The following TUBA1C variants were observed in gnomAD, a reference collection of about 807,000 sequenced individuals.
The protein encoded by TUBA1C is tubulin alpha-1C chain.
A neutral mutation model predicts 34.9 loss-of-function variants in TUBA1C; 16 were observed. The observed-to-expected ratio is 0.46, with a 90% confidence interval of 0.31 to 0.70. The LOEUF is 0.70. Among genes scored for constraint, TUBA1C ranks in the 30% least tolerant of loss-of-function variants. TUBA1C has a pLI of 0.05. For missense variants in TUBA1C, 329 were observed against 587.3 expected (o/e 0.56, Z 4.55); for synonymous variants, 177 against 215.9 (o/e 0.82, Z 1.58).
intron 1 of TUBA1C, among the ~76,000 whole-genome samples, chr12:49,235,732 C>CAAAAAAA (rs567880656): frequency 1.5e-5 from 1 of 67,258 alleles, no homozygotes; most frequent in African/African-American, 5.0e-5. Flanking sequence ...GACTCGGTCT[C>CAAAAAAA]AAAAAAAAAA....
intron 1 of TUBA1C, among the ~76,000 whole-genome samples, chr12:49,229,674 GGT>G (rs3884374): frequency 0.039 from 5,868 of 149,940 alleles, 342 homozygotes; most frequent in African/African-American, 0.13. Flanking sequence ...TTTGCATAGA[GGT>G]GTGTGTGTGT....
chr12:49,247,275 C>T (rs1041663515), intron 1 of TUBA1C, among the ~76,000 whole-genome samples: 2 of 151,654 alleles, frequency 1.3e-5, no homozygotes, highest in Non-Finnish European at 2.9e-5. Flanking sequence ...AAGACAAACC[C>T]GCCGGACTTG....
chr12:49,233,888 G>T (rs2136986523), intron 1 of TUBA1C: 1 of 152,396 alleles, frequency 6.6e-6, no homozygotes, highest in East Asian at 1.9e-4. Flanking sequence ...TAAAAAGAGG[G>T]AAGCTGAGCT....
chr12:49,268,351 G>A (rs566746654), intron 1 of TUBA1C, among the ~76,000 whole-genome samples: 2 of 152,016 alleles, frequency 1.3e-5, no homozygotes, highest in African/African-American at 4.8e-5. Context: ...CACCCACCTC[G>A]GTCTCCCAAA....
chr12:49,270,064 A>C, intron 3 of TUBA1C, 88 bp downstream of exon 3: 1 of 1,610,614 alleles, frequency 6.2e-7, no homozygotes, highest in Non-Finnish European at 8.5e-7. Context: ...TGCAACTAAA[A>C]TGAGACTATT....
chr12:49,268,223 C>T (rs556355647), intron 1 of TUBA1C, among the ~76,000 whole-genome samples: 21 of 152,224 alleles, frequency 1.4e-4, no homozygotes, highest in South Asian at 6.2e-4. Flanking sequence ...CTCAGTCTTC[C>T]GAGTAGCTGG....
Position 49,237,411 on chromosome 12 carries a change from C to T in TUBA1C, c.213+9245C>T, listed in dbSNP as rs143495271. 1.0e-3 allele frequency among the ~76,000 whole-genome samples: 150 copies of T among 148,422 alleles called. 1 individual carries two copies. The East Asian group carries it at 0.028, about 28-fold the overall frequency. On this transcript the variant is annotated intron_variant, in intron 1 of 3. Transcript: ENST00000541364. The stretch of plus-strand genomic sequence containing the variant: ...CCAGCCTGGGCAATGAGTGAAACTC[C>T]GTCTCAAAAAAAAAAGGAAAAAAGA...
intron 1 of TUBA1C, among the ~76,000 whole-genome samples, chr12:49,239,421 A>T (rs1942589436): frequency 6.6e-6 from 1 of 152,096 alleles, no homozygotes; most frequent in Admixed American, 6.6e-5. Context: ...CGGGCGGATC[A>T]CCTGAGGTCA....
intron 1 of TUBA1C, among the ~76,000 whole-genome samples, chr12:49,252,638 A>G (rs1312643606): frequency 1.3e-5 from 2 of 152,136 alleles, no homozygotes; most frequent in African/African-American, 2.4e-5. Context: ...TTGGCTGGGC[A>G]CGGTGGCTCA....
At chr12:49,228,127 A>C (rs1398194375) in exon 1 of TUBA1C, 10 of 1,535,632 alleles carry the variant, frequency 6.5e-6, no homozygotes, top group Non-Finnish European at 7.8e-6. Context: ...ACACATGCAC[A>C]TCCAGCAAAA....
intron 1 of TUBA1C, among the ~76,000 whole-genome samples, chr12:49,243,370 G>A (rs1215947122): frequency 6.6e-6 from 1 of 152,118 alleles, no homozygotes; most frequent in African/African-American, 2.4e-5. Flanking sequence ...GAATCTGGGA[G>A]ACAGAGGTTG....
chr12:49,246,375 A>G (rs1347243671), intron 1 of TUBA1C, among the ~76,000 whole-genome samples: 3 of 152,152 alleles, frequency 2.0e-5, no homozygotes, highest in African/African-American at 7.2e-5. Flanking sequence ...AAGCCCAGAT[A>G]GAATTGAAAA....
intron 1 of TUBA1C, among the ~76,000 whole-genome samples, chr12:49,254,974 G>A (rs576785077): frequency 4.9e-4 from 75 of 151,980 alleles, no homozygotes; most frequent in African/African-American, 1.7e-3. Flanking sequence ...AAGTAGAAAC[G>A]GGGTCCCTCT....
intron 1 of TUBA1C, among the ~76,000 whole-genome samples, chr12:49,228,938 A>G (rs1258350019): frequency 6.6e-6 from 1 of 152,228 alleles, no homozygotes; most frequent in Non-Finnish European, 1.5e-5. Context: ...GTTACAGAGA[A>G]AGGCAGTCGG....
chr12:49,237,383 C>T (rs1413592345), intron 1 of TUBA1C, among the ~76,000 whole-genome samples: 1 of 151,534 alleles, frequency 6.6e-6, no homozygotes, highest in African/African-American at 2.4e-5. Context: ...GTGCCATTGC[C>T]CTCCAGCCTG....
chr12:49,249,199 G>A (rs1028168197), intron 1 of TUBA1C, among the ~76,000 whole-genome samples: 2 of 151,856 alleles, frequency 1.3e-5, no homozygotes, highest in East Asian at 3.9e-4. Flanking sequence ...AGGCCGAGTC[G>A]GGCTGATCCC....
At chr12:49,265,291 AC>A in intron 1 of TUBA1C, 107 bp downstream of exon 1, 1 of 850,318 alleles carries the variant, frequency 1.2e-6, no homozygotes, top group Non-Finnish European at 1.7e-6. Context: ...GCTCCAGACT[AC>A]CCCGGGCCCC....
chr12:49,272,121 C>T, intron 3 of TUBA1C, 132 bp from the exon 4 acceptor site: 4 of 1,463,686 alleles, frequency 2.7e-6, no homozygotes, highest in Non-Finnish European at 2.7e-6. Context: ...AGCCACTGCG[C>T]CTGGCCCAGA....
chr12:49,249,956 G>A (rs1942715658), intron 1 of TUBA1C, among the ~76,000 whole-genome samples: 2 of 152,118 alleles, frequency 1.3e-5, no homozygotes, highest in Non-Finnish European at 2.9e-5. Flanking sequence ...CAACACTTTG[G>A]GAGGCCGAGG....
Sources: allele counts gnomAD v4.1 joint callset (sites outside exome capture counted in the v4.1 genomes callset), GRCh38; gene constraint gnomAD v4.1.1; transcripts MANE v1.5; gene names NCBI Gene and HGNC (gene_info 2026-07-23, HGNC 2026-07-21).